Variants in C12orf56 observed in about 807,000 individuals in gnomAD.
C12orf56 encodes the protein uncharacterized protein C12orf56.
Under a neutral mutation model 69.9 loss-of-function variants are expected in C12orf56, and 71 were observed. That is an observed-to-expected ratio of 1.02 (90% CI 0.84 to 1.24). C12orf56 has a LOEUF of 1.24. Ranked by LOEUF, C12orf56 falls within the 50% of genes most tolerant of loss-of-function variation. C12orf56 has a pLI of 0.00. For synonymous variants in C12orf56, 276 were observed against 274.1 expected, an observed-to-expected ratio of 1.01 and a Z score of -0.07; for missense variants, 732 against 738.5, an observed-to-expected ratio of 0.99 and a Z score of 0.10.
intron 8 of C12orf56, among the ~76,000 whole-genome samples, chr12:64,280,828 C>T (rs2038112706): frequency 6.6e-6 from 1 of 152,170 alleles, no homozygotes; most frequent in African/African-American, 2.4e-5. Context: ...ATGGCCTGGC[C>T]AACACCTCAA....
rs754441612 is a variant in C12orf56 at position 64,266,896 on chromosome 12, G to A, written c.*287C>T. The A allele has an allele frequency of 8.6e-5, 31 of 360,314 alleles. No individual in the cohort carries two copies. The highest frequency in any genetic ancestry group is 3.2e-4 in the East Asian group (6 of 19,026). 22.3% of individuals were successfully genotyped at this position (360,314 alleles called of 1,614,324 possible). On this transcript the variant is annotated 3_prime_UTR_variant, in exon 13 of 13. Coordinates refer to ENST00000543942, the MANE Select transcript of C12orf56 (RefSeq NM_001170633.2). ...TTTTCCTGTGTCTTGATGGATAGTCGTTTATTTTGTGGCAAGAGTGAGTTT... is the reference window on the plus strand; with the variant it reads ...TTTTCCTGTGTCTTGATGGATAGTCATTTATTTTGTGGCAAGAGTGAGTTT...
chr12:64,323,911 A>G (rs1216692575), intron 3 of C12orf56, among the ~76,000 whole-genome samples: 1 of 152,218 alleles, frequency 6.6e-6, no homozygotes, highest in Non-Finnish European at 1.5e-5. Context: ...TGCTGAAATG[A>G]AGACTTGACT....
At chr12:64,358,556 G>A (rs2135958043) in intron 1 of C12orf56, among the ~76,000 whole-genome samples, 1 of 150,564 alleles carries the variant, frequency 6.6e-6, no homozygotes, top group African/African-American at 2.4e-5. Flanking sequence ...CACTTTGGGA[G>A]GCTGAGGCAG....
rs368681734 is a variant in C12orf56 at position 64,353,020 on chromosome 12, T to C, written c.289A>G (p.Arg97Gly). 2.5e-6 allele frequency: 4 copies of C among 1,610,462 alleles called. No individual in the cohort carries two copies. Among genetic ancestry groups the C allele is most frequent in the Non-Finnish European group, 3.4e-6 (4 of 1,179,154 alleles). Residue 97 changes from arginine to glycine, a missense_variant, in exon 2 of 13, where the codon AGA becomes GGA. Physicochemically the swap from Arg to Gly is moderately radical, Grantham distance 125 (BLOSUM62 -2). Transcript: ENST00000543942. ...DYPEFLSSPD[R>G]EISQHIRIIY... is the part of the protein sequence containing the mutation. ...ATACGAATGTGTTGGCTGATTTCTC[T>C]ATCTGGCGAACTCAAAAATTCCGGG... is the stretch of plus-strand genomic sequence containing the variant.
Position 64,330,969 on chromosome 12 carries a change from G to T in C12orf56, c.479C>A (p.Ser160Tyr). The T allele has an allele frequency of 6.4e-7, 1 of 1,554,294 alleles. No individual in the cohort carries two copies. The highest frequency in any genetic ancestry group is 8.7e-7 in the Non-Finnish European group (1 of 1,147,990). The stretch of plus-strand genomic sequence containing the variant: ...CAAACAACAATCTCACCTGAGAGGA[G>T]ATTCTTTCAGACTTCTGGACTCTTT... ...RSKESRSLKE[S>Y]PLRDQQESST... The change falls in exon 3 of 13, where the codon TCT (serine) becomes TAT (tyrosine). Residue 160 changes from serine (S) to tyrosine (Y), a missense_variant. Transcript: ENST00000543942.
intron 1 of C12orf56, among the ~76,000 whole-genome samples, chr12:64,364,460 C>T (rs2039438891): frequency 6.6e-6 from 1 of 152,000 alleles, no homozygotes; most frequent in African/African-American, 2.4e-5. Context: ...ATTGGGGGTG[C>T]TGGCGTCTGA....
rs1412099817 is a variant in C12orf56, at chr12:64,328,730, T to G, written c.488+2230A>C. ...AAATATATATATATATATATATATA[T>G]ATATATAGTATCACACTTTAACTTA... On this transcript the variant is annotated intron_variant, in intron 3 of 12. Coordinates refer to ENST00000543942, the MANE Select transcript of C12orf56 (RefSeq NM_001170633.2). Among the ~76,000 whole-genome samples the G allele has an allele frequency of 1.9e-5, 2 of 106,502 alleles. 1 individual carries two copies. The highest frequency in any genetic ancestry group is 5.9e-4 in the East Asian group (2 of 3,392). The allele number at this position is 106,502 out of a possible 152,430, so 69.9% of individuals were successfully genotyped here.
intron 8 of C12orf56, among the ~76,000 whole-genome samples, chr12:64,283,908 A>ATT (rs35345999): frequency 0.019 from 2,558 of 133,124 alleles, 54 homozygotes; most frequent in Middle Eastern, 0.024. Flanking sequence ...TAGAGTATCT[A>ATT]TTTTTTTTTT....
intron 5 of C12orf56, among the ~76,000 whole-genome samples, chr12:64,309,674 C>T (rs1242604982): frequency 6.6e-6 from 1 of 152,054 alleles, no homozygotes; most frequent in African/African-American, 2.4e-5. Flanking sequence ...CCACACCAGG[C>T]TAATTTTTGT....
chr12:64,333,006 C>T (rs901708255), intron 2 of C12orf56, among the ~76,000 whole-genome samples: 1 of 152,192 alleles, frequency 6.6e-6, no homozygotes, highest in Non-Finnish European at 1.5e-5. Flanking sequence ...CCAATCATCA[C>T]AATCAGTTGT....
At chr12:64,270,747 G>C (rs1282687873) in intron 11 of C12orf56, 33 bp from the exon 12 acceptor site, 8 of 1,535,768 alleles carry the variant, frequency 5.2e-6, no homozygotes, top group Non-Finnish European at 7.0e-6. Context: ...CATGTAGGCT[G>C]TGTGCCACCC....
rs577181071 is a variant in C12orf56 at position 64,269,656 on chromosome 12, T to C, written c.1763+880A>G. Among the ~76,000 whole-genome samples the C allele has an allele frequency of 3.9e-5, 6 of 152,088 alleles. No individual in the cohort carries two copies. The South Asian group carries it at 1.2e-3, about 32-fold the overall frequency. On this transcript the variant is annotated intron_variant, in intron 12 of 12. Transcript: ENST00000543942. ...CAGGCTGGAGTGTGTCAGCATGATCTCAGCTCACTGCAACCTCTGCCTCCT... is the reference window on the plus strand; with the variant it reads ...CAGGCTGGAGTGTGTCAGCATGATCCCAGCTCACTGCAACCTCTGCCTCCT...
At chr12:64,385,425 C>A (rs777176566) in intron 1 of C12orf56, among the ~76,000 whole-genome samples, 1 of 151,928 alleles carries the variant, frequency 6.6e-6, no homozygotes, top group Non-Finnish European at 1.5e-5. Context: ...GGCTTTTTTT[C>A]CCCTGAGATA....
At chr12:64,334,442 G>A (rs1670929342) in intron 2 of C12orf56, among the ~76,000 whole-genome samples, 1 of 152,176 alleles carries the variant, frequency 6.6e-6, no homozygotes, top group African/African-American at 2.4e-5. Flanking sequence ...TCAAATGCCT[G>A]ATAGAAAATG....
intron 5 of C12orf56, 66 bp from the exon 6 acceptor site, chr12:64,303,845 A>G (rs745491672): frequency 1.4e-4 from 211 of 1,480,170 alleles, no homozygotes; most frequent in Middle Eastern, 2.1e-4. Context: ...AGGAATATCA[A>G]TGATTACTGT....
Position 64,313,274 on chromosome 12 carries a change from A to AAAGAAAG in C12orf56, c.895-523_895-522insCTTTCTT, listed in dbSNP as rs71092953. ...GAGACTCTGTCTCAAAAAAAAAAAAAAAAGAAAGAAAGAAAGAAAGAAAGA... is the reference window on the plus strand; with the variant it reads ...GAGACTCTGTCTCAAAAAAAAAAAAAAAGAAAGAAAGAAAGAAAGAAAGAAAGAAAGA... On this transcript the variant is annotated intron_variant, in intron 4 of 12. Transcript: ENST00000543942. 5.7e-3 allele frequency among the ~76,000 whole-genome samples: 464 copies of AAAGAAAG among 81,390 alleles called. 3 individuals carry two copies. Among genetic ancestry groups the AAAGAAAG allele is most frequent in the Middle Eastern group, 0.013 (2 of 158 alleles). The allele number at this position is 81,390 out of a possible 152,430, so 53.4% of individuals were successfully genotyped here.
intron 1 of C12orf56, among the ~76,000 whole-genome samples, chr12:64,380,406 A>T (rs2039705064): frequency 1.3e-5 from 2 of 152,170 alleles, no homozygotes; most frequent in African/African-American, 4.8e-5. Flanking sequence ...TAACTCATTC[A>T]TTCTTCTAAT....
At chr12:64,388,303 G>A (rs908669212) in intron 1 of C12orf56, among the ~76,000 whole-genome samples, 1 of 152,166 alleles carries the variant, frequency 6.6e-6, no homozygotes, top group African/African-American at 2.4e-5. Flanking sequence ...CTGAAGTGCA[G>A]TGGTGAGATC....
At chr12:64,380,905 G>C (rs1016420892) in intron 1 of C12orf56, among the ~76,000 whole-genome samples, 1 of 152,112 alleles carries the variant, frequency 6.6e-6, no homozygotes, top group African/African-American at 2.4e-5. Context: ...TCAGAAGCAT[G>C]TTATAATTTA....
Sources: gnomAD v4.1 joint callset for allele counts (sites outside exome capture counted in the v4.1 genomes callset) on GRCh38, gnomAD v4.1.1 for gene constraint, MANE v1.5 for transcripts, NCBI Gene and HGNC (gene_info 2026-07-23, HGNC 2026-07-21) for gene names.